The following UTP20 variants were observed in gnomAD, a reference collection of about 807,000 sequenced individuals.
The protein encoded by UTP20 is small subunit processome component 20 homolog.
Under a neutral mutation model 329.5 loss-of-function variants are expected in UTP20, and 164 were observed. The ratio of observed to expected loss-of-function variants is 0.50; its 90% confidence interval spans 0.44 to 0.57. The LOEUF (loss-of-function observed/expected upper bound fraction) is 0.57. UTP20 is among the 20% of genes least tolerant of loss of function. The pLI, the probability that UTP20 is intolerant of heterozygous loss-of-function variation, is 0.00. For synonymous variants in UTP20, 1,151 were observed against 1,159.3 expected (o/e 0.99, Z 0.14); for missense variants, 3,055 against 3,284.2 (o/e 0.93, Z 1.71).
chr12:101,287,028 C>G (rs2137230215), intron 5 of UTP20, among the ~76,000 whole-genome samples: 1 of 152,228 alleles, frequency 6.6e-6, no homozygotes, highest in Admixed American at 6.5e-5. Flanking sequence ...TTTGTAGTAA[C>G]CTTTTGTTTA....
chr12:101,339,023 A>C (rs1409077722), intron 31 of UTP20, 66 bp downstream of exon 31: 1 of 1,489,004 alleles, frequency 6.7e-7, no homozygotes, highest in Non-Finnish European at 8.9e-7. Flanking sequence ...TTAAAAAATT[A>C]TTATCTTGGC....
chr12:101,361,511 A>C (rs977433589), intron 43 of UTP20, among the ~76,000 whole-genome samples: 6 of 152,020 alleles, frequency 3.9e-5, no homozygotes, highest in African/African-American at 1.4e-4. Flanking sequence ...CTGTAATCCT[A>C]GCTACTCGGG....
chr12:101,379,963 G>A (rs1870589497), intron 57 of UTP20, among the ~76,000 whole-genome samples: 1 of 151,904 alleles, frequency 6.6e-6, no homozygotes, highest in Non-Finnish European at 1.5e-5. Flanking sequence ...GGGATTACAG[G>A]CACACGCCAC....
chr12:101,317,701 T>A lies in UTP20; in HGVS notation c.2738+38T>A, dbSNP rs984928848. 3 of 1,560,194 alleles carry A rather than the reference T, an allele frequency of 1.9e-6. No homozygotes were observed. In the African/African-American group the frequency reaches 4.1e-5, roughly 21 times the overall value. ...TTGCTGAAAGATCACAGATCCACAG[T>A]TCTGGGAGGAACAGGAAGAGGTCTC... On this transcript the variant is annotated intron_variant, in intron 22 of 61. Coordinates refer to ENST00000261637, the MANE Select transcript of UTP20 (RefSeq NM_014503.3).
At chr12:101,299,533 A>T in intron 12 of UTP20, 149 bp from the exon 13 acceptor site, 1 of 596,610 alleles carries the variant, frequency 1.7e-6, no homozygotes, top group Non-Finnish European at 2.7e-6. Flanking sequence ...AAACTCAGTA[A>T]ATGACTCACA....
chr12:101,378,309 G>C (rs1593456225), intron 56 of UTP20, among the ~76,000 whole-genome samples: 1 of 152,110 alleles, frequency 6.6e-6, no homozygotes. Flanking sequence ...CCTGTCCCTG[G>C]CATATAGAAA....
In UTP20 at chr12:101,370,505, A is replaced by G. The variant is rs369865286; in HGVS notation, c.6629A>G (p.Tyr2210Cys). ...TEKQLQVLLA[Y>C]AEEDIYDTSR... is the part of the protein sequence containing the mutation. ...AAACAGCTCCAAGTTCTACTGGCCT[A>G]TGCTGAGGAGGACATTTATGATACT... The change falls in exon 50 of 62, where the codon TAT becomes TGT. Residue 2210 changes from tyrosine (Y) to cysteine (C), a missense_variant. Tyr to Cys is a radical substitution (Grantham distance 194, BLOSUM62 -2). Transcript: ENST00000261637. The G allele has an allele frequency of 4.8e-5, 78 of 1,613,966 alleles. No homozygotes were observed. Among genetic ancestry groups the G allele is most frequent in the Non-Finnish European group, 5.8e-5 (69 of 1,179,970 alleles).
intron 20 of UTP20, 28 bp from the exon 21 acceptor site, chr12:101,312,008 G>T (rs763140843): frequency 3.1e-6 from 5 of 1,613,240 alleles, no homozygotes; most frequent in Non-Finnish European, 3.4e-6. Flanking sequence ...TATTTGTCTG[G>T]TGGTTATGAC....
At chr12:101,348,739 G>GTTTTTTT (rs35417344) in intron 38 of UTP20, among the ~76,000 whole-genome samples, 1 of 97,318 alleles carries the variant, frequency 1.0e-5, no homozygotes, top group Non-Finnish European at 1.9e-5. Flanking sequence ...GTTTTTGGTG[G>GTTTTTTT]TTTTTTTTTT....
chr12:101,335,772 A>G lies in UTP20; in HGVS notation c.3641+1268A>G, dbSNP rs545872696. Among the ~76,000 whole-genome samples the G allele has an allele frequency of 3.3e-5, 5 of 152,330 alleles. No individual in the cohort carries two copies. In the South Asian group the frequency reaches 1.0e-3, roughly 32 times the overall value. On this transcript the variant is annotated intron_variant, in intron 29 of 61. Coordinates refer to ENST00000261637, the MANE Select transcript of UTP20 (RefSeq NM_014503.3). The stretch of plus-strand genomic sequence containing the variant: ...TCATGTTACTAGTCTTCAGAAACAA[A>G]CCAAAAACCGTGACATTGTCTTCCT...
At chr12:101,305,731 T>A (rs1467320357) in intron 15 of UTP20, among the ~76,000 whole-genome samples, 184 bp from the exon 16 acceptor site, 11 of 151,976 alleles carry the variant, frequency 7.2e-5, no homozygotes, top group African/African-American at 2.7e-4. Flanking sequence ...TCCTTGCATA[T>A]GTCACTCATT....
rs1442618646 is a variant in UTP20 at position 101,290,214 on chromosome 12, A to T, written c.675A>T (p.Gly225=). The T allele has an allele frequency of 2.5e-6, 4 of 1,608,802 alleles. No individual in the cohort carries two copies. The highest frequency in any genetic ancestry group is 3.4e-6 in the Non-Finnish European group (4 of 1,177,506). ...DKHPEKVEGV[G]QLLFEMCKGV... Reference sequence around the variant, plus strand: ...ATCCAGAAAAAGTTGAAGGTGTTGGACAGTTGCTCTTTGAAATGTGCAAAG... The same window carrying T: ...ATCCAGAAAAAGTTGAAGGTGTTGGTCAGTTGCTCTTTGAAATGTGCAAAG... Residue 225 remains glycine, a synonymous_variant, in exon 7 of 62, where the codon GGA becomes GGT. Transcript: ENST00000261637.
intron 8 of UTP20, 31 bp downstream of exon 8, chr12:101,290,919 G>C: frequency 3.8e-6 from 6 of 1,593,794 alleles, no homozygotes; most frequent in Non-Finnish European, 5.1e-6. Context: ...ATGGGTTTTT[G>C]ATAAGGAGTC....
intron 6 of UTP20, 49 bp downstream of exon 6, chr12:101,289,090 G>C (rs534740716): frequency 1.3e-6 from 2 of 1,529,518 alleles, no homozygotes; most frequent in Admixed American, 1.7e-5. Flanking sequence ...AGAATCTGAT[G>C]AATAGGCCAG....
At chr12:101,381,324 G>A (rs1202558539) in intron 58 of UTP20, 113 bp downstream of exon 58, 2 of 873,662 alleles carry the variant, frequency 2.3e-6, no homozygotes, top group African/African-American at 3.4e-5. Flanking sequence ...CCCGAGGTCA[G>A]GAGTTCGAGA....
intron 51 of UTP20, among the ~76,000 whole-genome samples, chr12:101,371,523 CTTTTTTTT>C (rs58024998): frequency 6.1e-5 from 4 of 65,390 alleles, no homozygotes; most frequent in Admixed American, 2.2e-4. Flanking sequence ...GGGCTTTGTT[CTTTTTTTT>C]TTTTTTTTTT....
intron 26 of UTP20, among the ~76,000 whole-genome samples, chr12:101,328,887 T>A (rs1229445238): frequency 6.7e-6 from 1 of 148,910 alleles, no homozygotes; most frequent in African/African-American, 2.5e-5. Flanking sequence ...AAAAAAAAAA[T>A]TACCAGATGG....
At chr12:101,291,648 AT>A in intron 8 of UTP20, 93 bp from the exon 9 acceptor site, 1 of 1,315,002 alleles carries the variant, frequency 7.6e-7, no homozygotes, top group Non-Finnish European at 1.0e-6. Context: ...AAGCAAGAGA[AT>A]GGGAAAAGTT....
At chr12:101,330,205 T>G (rs990494499) in intron 27 of UTP20, among the ~76,000 whole-genome samples, 4 of 152,136 alleles carry the variant, frequency 2.6e-5, no homozygotes, top group Admixed American at 1.3e-4. Context: ...GTGAGGGTCC[T>G]CTATAAAAAG....
Sources: gnomAD v4.1 joint callset for allele counts (sites outside exome capture counted in the v4.1 genomes callset) on GRCh38, gnomAD v4.1.1 for gene constraint, MANE v1.5 for transcripts, NCBI Gene and HGNC (gene_info 2026-07-23, HGNC 2026-07-21) for gene names.